TP63: variants seen among roughly 807,000 people sequenced by gnomAD.
TP63 encodes the protein tumor protein p63, also known as tumor protein 63.
TP63 carries 17 observed loss-of-function variants against 82.8 expected under a neutral mutation model. The ratio of observed to expected loss-of-function variants is 0.21; its 90% CI spans 0.14 to 0.31. The LOEUF (loss-of-function observed/expected upper bound fraction) is 0.31. TP63 is among the 10% of genes least tolerant of loss of function. The pLI, the probability that TP63 is intolerant of heterozygous loss-of-function variation, is 1.00. For synonymous variants in TP63, 330 were observed against 321.7 expected (o/e 1.03, Z -0.28); for missense variants, 648 against 895.3 (o/e 0.72, Z 3.52).
chr3:189,785,010 C>T (rs1724491029), intron 3 of TP63, among the ~76,000 whole-genome samples: 1 of 151,958 alleles, frequency 6.6e-6, no homozygotes, highest in South Asian at 2.1e-4. Flanking sequence ...CTGGAAAGCC[C>T]CAACATTTCT....
chr3:189,675,625 C>T (rs1445710927), intron 1 of TP63, among the ~76,000 whole-genome samples: 1 of 152,124 alleles, frequency 6.6e-6, no homozygotes, highest in Non-Finnish European at 1.5e-5. Flanking sequence ...TTATCCACAT[C>T]ACCTGCTTTG....
At chr3:189,657,020 CA>C (rs71173299) in intron 1 of TP63, among the ~76,000 whole-genome samples, 64,253 of 143,140 alleles carry the variant, frequency 0.45, 14,279 homozygotes, top group East Asian at 0.67. Flanking sequence ...ATGAAGCATG[CA>C]AAAAAAAAAA....
rs892456697 is a variant in TP63 at position 189,767,941 on chromosome 3, A to T, written c.324+29167A>T. 5.3e-5 allele frequency among the ~76,000 whole-genome samples: 8 copies of T among 152,278 alleles called. No homozygotes were observed. In the South Asian group the frequency reaches 1.5e-3, roughly 28 times the overall value. ...TCAGTTTCGTCACTTACAATAATCT[A>T]AATATTTGATATTTAATCCAGGATT... On this transcript the variant is annotated intron_variant, in intron 3 of 13. Transcript: ENST00000264731.
In TP63 at chr3:189,755,065, C is replaced by T. The variant is rs190176178; in HGVS notation, c.324+16291C>T. On this transcript the variant is annotated intron_variant, in intron 3 of 13. Transcript: ENST00000264731. The stretch of plus-strand genomic sequence containing the variant: ...AATTCTGTCTGCACTAATTTAGGTG[C>T]GACCTTTACAATCTTTATGAGCTGC... Among the ~76,000 whole-genome samples the T allele has an allele frequency of 3.0e-3, 449 of 152,146 alleles. 1 individual carries two copies. The highest frequency in any genetic ancestry group is 4.7e-3 in the Non-Finnish European group (320 of 67,956).
chr3:189,719,779 G>A (rs572859168), intron 1 of TP63, among the ~76,000 whole-genome samples: 37 of 152,228 alleles, frequency 2.4e-4, no homozygotes, highest in African/African-American at 5.5e-4. Context: ...GATCTCCTTC[G>A]TGAGCGCTTT....
At chr3:189,641,635 A>G (rs1484441568) in intron 1 of TP63, among the ~76,000 whole-genome samples, 1 of 152,154 alleles carries the variant, frequency 6.6e-6, no homozygotes, top group Non-Finnish European at 1.5e-5. Flanking sequence ...TCAGTATCTC[A>G]TCATATCTAT....
intron 4 of TP63, chr3:189,844,372 G>C (rs773576244): frequency 8.3e-6 from 3 of 361,712 alleles, no homozygotes; most frequent in African/African-American, 2.2e-5. Context: ...TGCAACCTCC[G>C]CCTTCTGGAT....
chr3:189,729,048 G>T (rs1051880919), intron 1 of TP63, among the ~76,000 whole-genome samples: 1 of 152,158 alleles, frequency 6.6e-6, no homozygotes, highest in African/African-American at 2.4e-5. Flanking sequence ...GTCACAAAAG[G>T]AGTAACCTAA....
chr3:189,722,531 C>CA (rs1344631674), intron 1 of TP63, among the ~76,000 whole-genome samples: 2 of 152,148 alleles, frequency 1.3e-5, no homozygotes, highest in South Asian at 2.1e-4. Context: ...GGGACTTGCC[C>CA]AAGATCCCAG....
chr3:189,815,974 A>C (rs968566098), intron 4 of TP63, among the ~76,000 whole-genome samples: 1 of 152,174 alleles, frequency 6.6e-6, no homozygotes, highest in Non-Finnish European at 1.5e-5. Context: ...TATTTTAAAA[A>C]TCTAATGGCA....
In TP63 at chr3:189,738,736, A is replaced by G. The variant is rs372543100; in HGVS notation, c.286A>G (p.Ile96Val). Reference sequence around the variant, plus strand: ...CAAGATTGAGATTAGCATGGACTGTATCCGCATGCAGGACTCGGACCTGAG... The same window carrying G: ...CAAGATTGAGATTAGCATGGACTGTGTCCGCATGCAGGACTCGGACCTGAG... Reference protein sequence around the residue: ...TNKIEISMDCIRMQDSDLSDP... With the variant: ...TNKIEISMDCVRMQDSDLSDP... The change falls in exon 3 of 14, where the codon ATC becomes GTC. Residue 96 changes from isoleucine (I) to valine (V), a missense_variant. Physicochemically the swap from Ile to Val is conservative, Grantham distance 29. Transcript: ENST00000264731. 4 of 1,614,022 alleles carry G rather than the reference A, an allele frequency of 2.5e-6. No individual in the cohort carries two copies. Among genetic ancestry groups the G allele is most frequent in the Non-Finnish European group, 3.4e-6 (4 of 1,180,016 alleles).
chr3:189,757,691 G>A (rs79819757), intron 3 of TP63, among the ~76,000 whole-genome samples: 17,884 of 152,164 alleles, frequency 0.12, 1,093 homozygotes, highest in African/African-American at 0.13. Flanking sequence ...TGTTATTGTA[G>A]GTAGCTAGTC....
intron 1 of TP63, among the ~76,000 whole-genome samples, chr3:189,659,093 A>C (rs1158517849): frequency 1.3e-5 from 2 of 151,932 alleles, no homozygotes; most frequent in African/African-American, 2.4e-5. Context: ...TTTTAGATTC[A>C]TGGGGTACAT....
At chr3:189,886,370 T>C (rs1720444176) in intron 10 of TP63, 24 bp from the exon 11 acceptor site, 3 of 1,612,996 alleles carry the variant, frequency 1.9e-6, no homozygotes, top group Admixed American at 1.7e-5. Flanking sequence ...TTGCTCACCA[T>C]TATTTCCATG....
At chr3:189,776,297 A>C (rs1272177993) in intron 3 of TP63, among the ~76,000 whole-genome samples, 1 of 152,158 alleles carries the variant, frequency 6.6e-6, no homozygotes, top group Non-Finnish European at 1.5e-5. Context: ...ATTCGTTTTC[A>C]TCCCTTATCT....
the TP63 span, among the ~76,000 whole-genome samples, chr3:189,615,744 C>A: frequency 6.6e-6 from 1 of 152,170 alleles, no homozygotes; most frequent in Non-Finnish European, 1.5e-5. Flanking sequence ...TACCTCAGGC[C>A]ATTTCTCCTT....
chr3:189,672,663 A>AGG (rs1715010280), intron 1 of TP63, among the ~76,000 whole-genome samples: 9 of 117,532 alleles, frequency 7.7e-5, no homozygotes, highest in South Asian at 6.0e-4. Context: ...GAAGGAAGGA[A>AGG]AGAAGGAAGG....
chr3:189,672,994 C>T (rs978342879), intron 1 of TP63, among the ~76,000 whole-genome samples: 7 of 152,064 alleles, frequency 4.6e-5, no homozygotes, highest in African/African-American at 1.4e-4. Context: ...ACTCCTGCCA[C>T]CACGCCTGGC....
At chr3:189,890,393 C>G (rs770194779) in intron 12 of TP63, among the ~76,000 whole-genome samples, 1 of 152,092 alleles carries the variant, frequency 6.6e-6, no homozygotes, top group Non-Finnish European at 1.5e-5. Flanking sequence ...CTCACAAAGC[C>G]CAGATACAAA....
Sources: allele counts gnomAD v4.1 joint callset (sites outside exome capture counted in the v4.1 genomes callset), GRCh38; gene constraint gnomAD v4.1.1; transcripts MANE v1.5; gene names NCBI Gene and HGNC (gene_info 2026-07-23, HGNC 2026-07-21).